The following KLF8 variants were observed in gnomAD, a reference collection of about 807,000 sequenced individuals.
KLF8 encodes KLF transcription factor 8, also known as Krueppel-like factor 8.
In KLF8, 10 loss-of-function variants were observed where a neutral mutation model predicts 18.2. That is an observed-to-expected ratio of 0.55 (90% CI 0.34 to 0.93). KLF8 has a LOEUF of 0.93. KLF8 is among the 40% of genes least tolerant of loss of function. KLF8 has a pLI of 0.02. For missense variants in KLF8, 264 were observed against 277.9 expected (o/e 0.95, Z 0.36); for synonymous variants, 109 against 97.3 (o/e 1.12, Z -0.71).
At chrX:56,113,811 G>A in the KLF8 span, among the ~76,000 whole-genome samples, 1 of 110,361 alleles carries the variant, frequency 9.1e-6, no homozygotes, top group Non-Finnish European at 1.9e-5. Context: ...GAGGTGTCTG[G>A]TGACCTCTGT....
intron 1 of KLF8, among the ~76,000 whole-genome samples, chrX:56,244,047 T>A (rs1167240287): frequency 1.8e-5 from 2 of 111,536 alleles, no homozygotes; most frequent in Non-Finnish European, 3.8e-5. Flanking sequence ...AGCTGGAAGA[T>A]CCTACTGGTA....
the KLF8 span, among the ~76,000 whole-genome samples, chrX:56,192,244 T>C: frequency 1.8e-5 from 2 of 111,435 alleles, no homozygotes; most frequent in African/African-American, 3.2e-5. Flanking sequence ...TTAAAGAAAA[T>C]GCCTAGAAAT....
At chrX:55,999,684 G>T in the KLF8 span, among the ~76,000 whole-genome samples, 1 of 111,154 alleles carries the variant, frequency 9.0e-6, no homozygotes, top group South Asian at 3.8e-4. Flanking sequence ...CAGTGCTACT[G>T]AATTGTGCAT....
At chrX:55,928,849 G>A in the KLF8 span, among the ~76,000 whole-genome samples, 24,254 of 111,193 alleles carry the variant, frequency 0.22, 5,434 homozygotes, top group African/African-American at 0.69. Flanking sequence ...ATGTGTCTTT[G>A]TAGTAGCATG....
chrX:56,103,133 G>A, the KLF8 span, among the ~76,000 whole-genome samples: 2 of 110,165 alleles, frequency 1.8e-5, no homozygotes, highest in South Asian at 8.0e-4. Context: ...ATAGTTTGAA[G>A]TCAGGTAGCA....
the KLF8 span, among the ~76,000 whole-genome samples, chrX:55,986,031 C>T: frequency 1.8e-5 from 2 of 111,528 alleles, no homozygotes; most frequent in Non-Finnish European, 3.8e-5. Context: ...GATTAAGAAG[C>T]TTTTGGGCTG....
At chrX:55,928,786 T>C in the KLF8 span, among the ~76,000 whole-genome samples, 2 of 112,050 alleles carry the variant, frequency 1.8e-5, no homozygotes, top group African/African-American at 6.5e-5. Flanking sequence ...GGCATTTGGG[T>C]TGGTTCCAGG....
At chrX:56,130,266 C>T in the KLF8 span, among the ~76,000 whole-genome samples, 2 of 111,629 alleles carry the variant, frequency 1.8e-5, no homozygotes, top group Admixed American at 9.5e-5. Flanking sequence ...TTCACTCTCC[C>T]GCCACCTCAC....
chrX:56,125,687 T>A, the KLF8 span, among the ~76,000 whole-genome samples: 8 of 112,370 alleles, frequency 7.1e-5, no homozygotes, highest in South Asian at 1.1e-3. Context: ...TAATTGTAAA[T>A]CTGGAGGAAA....
the KLF8 span, among the ~76,000 whole-genome samples, chrX:55,917,321 A>G: frequency 7.1e-5 from 8 of 112,163 alleles, no homozygotes; most frequent in Non-Finnish European, 1.5e-4. Context: ...TGATAAAGTC[A>G]GTTCAAGTTC....
chrX:56,134,252 C>A, the KLF8 span, among the ~76,000 whole-genome samples: 2 of 111,549 alleles, frequency 1.8e-5, no homozygotes, highest in African/African-American at 6.5e-5. Flanking sequence ...CATCACATTA[C>A]CTGACTTCAA....
At chrX:56,024,268 C>T in the KLF8 span, among the ~76,000 whole-genome samples, 11 of 106,009 alleles carry the variant, frequency 1.0e-4, no homozygotes, top group Admixed American at 4.1e-4. Flanking sequence ...AGTGCAGTAG[C>T]GCGATCTTGG....
At position 56,233,098 on chromosome X, in the gene KLF8, A is replaced by T. The variant is rs1165284597; in HGVS notation, c.-237A>T. ...AGAGCTTTGTTTCCCTTGTTCCGAG[A>T]GTGGCCCAGCTGGGTCTGAATCGAC... is the stretch of plus-strand genomic sequence containing the variant. On this transcript the variant is annotated 5_prime_UTR_variant, in exon 1 of 6. Coordinates refer to ENST00000468660, the MANE Select transcript of KLF8 (RefSeq NM_007250.5). 1 of 393,492 alleles carries T rather than the reference A, an allele frequency of 2.5e-6. No homozygotes were observed. The highest frequency in any genetic ancestry group is 3.9e-5 in the East Asian group (1 of 25,950). 32.4% of individuals were successfully genotyped at this position (393,492 alleles called of 1,213,427 possible).
At chrX:55,940,902 A>G in the KLF8 span, among the ~76,000 whole-genome samples, 545 of 112,021 alleles carry the variant, frequency 4.9e-3, 3 homozygotes, top group African/African-American at 0.017. Context: ...AGAACATTCC[A>G]TGCTCATGGG....
chrX:56,061,985 G>GTT, the KLF8 span, among the ~76,000 whole-genome samples: 4 of 55,972 alleles, frequency 7.1e-5, no homozygotes, highest in African/African-American at 5.6e-4. Context: ...TGCAACCCCT[G>GTT]CTTTTTTTTT....
the KLF8 span, among the ~76,000 whole-genome samples, chrX:56,200,469 A>T: frequency 9.0e-6 from 1 of 110,999 alleles, no homozygotes. Flanking sequence ...CTTAGATGAC[A>T]TACAAAAATT....
the KLF8 span, among the ~76,000 whole-genome samples, chrX:56,047,933 T>C: frequency 8.9e-6 from 1 of 111,838 alleles, no homozygotes; most frequent in African/African-American, 3.2e-5. Flanking sequence ...ACCTATACTT[T>C]ACTGACTTTT....
the KLF8 span, among the ~76,000 whole-genome samples, chrX:56,104,037 C>A: frequency 5.4e-5 from 6 of 111,820 alleles, no homozygotes; most frequent in African/African-American, 2.0e-4. Flanking sequence ...TATGTTGAAC[C>A]AACCTTGCAT....
chrX:56,177,145 G>A, the KLF8 span, among the ~76,000 whole-genome samples: 1 of 111,830 alleles, frequency 8.9e-6, no homozygotes, highest in African/African-American at 3.3e-5. Flanking sequence ...TTTCTGGTGA[G>A]GAGCTGCATT....
Sources: gnomAD v4.1 joint callset for allele counts (sites outside exome capture counted in the v4.1 genomes callset) on GRCh38, gnomAD v4.1.1 for gene constraint, MANE v1.5 for transcripts, NCBI Gene and HGNC (gene_info 2026-07-23, HGNC 2026-07-21) for gene names.